NFASC: variants seen among roughly 807,000 people sequenced by gnomAD.
The protein encoded by NFASC is neurofascin homolog.
A neutral mutation model predicts 147.5 loss-of-function variants in NFASC; 43 were observed. The observed-to-expected ratio is 0.29, with a 90% CI of 0.23 to 0.38. The LOEUF (loss-of-function observed/expected upper bound fraction) is 0.38. NFASC is among the 10% of genes least tolerant of loss of function. The pLI is 1.00. For missense variants in NFASC, 1,320 were observed against 1,689.0 expected (o/e 0.78, Z 3.83); for synonymous variants, 622 against 665.5 (o/e 0.93, Z 1.01).
In NFASC at chr1:205,012,750, T is replaced by C. The variant is rs776101430; in HGVS notation, c.3422-47T>C. 15 of 1,373,530 alleles carry C rather than the reference T, an allele frequency of 1.1e-5. No individual in the cohort carries two copies. The African/African-American group carries it at 1.3e-4, about 12-fold the overall frequency. The allele number at this position is 1,373,530 out of a possible 1,614,324, so 85.1% of individuals were successfully genotyped here. A position where few individuals can be genotyped will look rare whatever the true frequency, so the allele number is the denominator to read the frequency against. ...AGTGGAGCCCTAGAGAGCAGGGGCA[T>C]GTACTTAATCGTCGTGTCTGTGTCT... On this transcript the variant is annotated intron_variant, in intron 28 of 29. Coordinates refer to ENST00000339876, the MANE Select transcript of NFASC (RefSeq NM_001005388.3).
At chr1:204,938,195 A>G (rs146451005) in intron 2 of NFASC, among the ~76,000 whole-genome samples, 16 of 152,292 alleles carry the variant, frequency 1.1e-4, no homozygotes, top group African/African-American at 3.4e-4. Flanking sequence ...CGGGCCCCCA[A>G]TGTGGGGAAA....
intron 27 of NFASC, chr1:205,008,402 GC>G (rs1290334931): frequency 6.5e-6 from 1 of 152,784 alleles, no homozygotes; most frequent in African/African-American, 2.4e-5. Flanking sequence ...GGTTCTTGGG[GC>G]TCCTGCTGTT....
At chr1:204,870,831 G>A in intron 1 of NFASC, 2 of 1,181,164 alleles carry the variant, frequency 1.7e-6, no homozygotes, top group Non-Finnish European at 1.1e-6. Context: ...CGATGGGGGT[G>A]ACAAGGAGCA....
chr1:204,909,915 T>C (rs2086940741), intron 1 of NFASC, among the ~76,000 whole-genome samples: 1 of 152,124 alleles, frequency 6.6e-6, no homozygotes, highest in African/African-American at 2.4e-5. Flanking sequence ...TTTTGGGTTT[T>C]TTTTTTAATT....
intron 1 of NFASC, among the ~76,000 whole-genome samples, chr1:204,906,877 G>C (rs182274615): frequency 4.7e-4 from 71 of 152,194 alleles, no homozygotes; most frequent in Middle Eastern, 6.8e-3. Flanking sequence ...TAGAGACGGG[G>C]TTTCACCATG....
intron 1 of NFASC, among the ~76,000 whole-genome samples, chr1:204,887,586 CTTTTTTTT>C (rs200468415): frequency 4.7e-5 from 2 of 42,336 alleles, no homozygotes; most frequent in Non-Finnish European, 9.5e-5. Flanking sequence ...GCCTGATTGG[CTTTTTTTT>C]TTTTTTTTTT....
At chr1:205,012,027 C>A (rs955537665) in intron 28 of NFASC, among the ~76,000 whole-genome samples, 2 of 152,250 alleles carry the variant, frequency 1.3e-5, no homozygotes, top group African/African-American at 2.4e-5. Flanking sequence ...TGCAGTGAGC[C>A]AAGATAGCAC....
At chr1:204,846,817 A>G (rs1045155435) in intron 1 of NFASC, among the ~76,000 whole-genome samples, 10 of 151,862 alleles carry the variant, frequency 6.6e-5, no homozygotes, top group Admixed American at 5.2e-4. Context: ...CTTGTTCATT[A>G]TTTGTTTTGT....
chr1:204,995,043 C>T (rs1373372207), intron 24 of NFASC, among the ~76,000 whole-genome samples: 1 of 152,108 alleles, frequency 6.6e-6, no homozygotes, highest in Non-Finnish European at 1.5e-5. Flanking sequence ...TTGCTTGAGC[C>T]TGGGAGGTCG....
intron 1 of NFASC, among the ~76,000 whole-genome samples, chr1:204,876,904 G>A (rs190643572): frequency 7.7e-4 from 115 of 148,976 alleles, no homozygotes; most frequent in Middle Eastern, 3.5e-3. Context: ...TTGTAGGCTC[G>A]GAAGCATAGC....
At chr1:204,984,487 T>C (rs552404045) in intron 21 of NFASC, among the ~76,000 whole-genome samples, 1 of 150,636 alleles carries the variant, frequency 6.6e-6, no homozygotes, top group East Asian at 2.0e-4. Context: ...TGGGTTTGGG[T>C]TGGTGTTGCA....
chr1:204,940,746 A>T (rs756838257), intron 2 of NFASC, among the ~76,000 whole-genome samples: 7 of 152,178 alleles, frequency 4.6e-5, no homozygotes, highest in Non-Finnish European at 1.0e-4. Context: ...TGTTTTCAGG[A>T]TTCATCCATG....
intron 1 of NFASC, among the ~76,000 whole-genome samples, chr1:204,919,116 C>T (rs2089932893): frequency 1.3e-5 from 2 of 152,024 alleles, no homozygotes; most frequent in South Asian, 4.1e-4. Context: ...CCTCTGCCTC[C>T]CCAATTCAAG....
At chr1:204,908,106 C>T (rs2086403406) in intron 1 of NFASC, among the ~76,000 whole-genome samples, 1 of 152,228 alleles carries the variant, frequency 6.6e-6, no homozygotes, top group Middle Eastern at 3.4e-3. Context: ...TTCAGCCTCC[C>T]AAGCAGCTGA....
intron 2 of NFASC, among the ~76,000 whole-genome samples, chr1:204,926,943 CG>C (rs1181964527): frequency 1.3e-5 from 2 of 151,882 alleles, no homozygotes; most frequent in Non-Finnish European, 2.9e-5. Context: ...TGCACGGCAG[CG>C]GGTGCCTGTA....
chr1:204,956,789 A>T (rs2094452700), intron 7 of NFASC, among the ~76,000 whole-genome samples: 1 of 152,202 alleles, frequency 6.6e-6, no homozygotes, highest in South Asian at 2.1e-4. Flanking sequence ...ATGGTGACTT[A>T]AAAAACAATT....
At chr1:204,864,596 ATTG>A (rs959757464) in intron 1 of NFASC, among the ~76,000 whole-genome samples, 1 of 152,112 alleles carries the variant, frequency 6.6e-6, no homozygotes, top group Admixed American at 6.5e-5. Context: ...GTGGTATCTC[ATTG>A]TTTTGATTTG....
At chr1:204,868,642 G>A (rs1277029119) in intron 1 of NFASC, among the ~76,000 whole-genome samples, 1 of 152,200 alleles carries the variant, frequency 6.6e-6, no homozygotes, top group Non-Finnish European at 1.5e-5. Context: ...GATGGGCTGG[G>A]CAGGTGTGGC....
intron 1 of NFASC, among the ~76,000 whole-genome samples, chr1:204,840,315 C>G (rs1282103081): frequency 6.6e-6 from 1 of 152,170 alleles, no homozygotes; most frequent in Non-Finnish European, 1.5e-5. Context: ...CAACCTGTAC[C>G]AAATAAATTG....
Sources: gnomAD v4.1 joint callset for allele counts (sites outside exome capture counted in the v4.1 genomes callset) on GRCh38, gnomAD v4.1.1 for gene constraint, MANE v1.5 for transcripts, NCBI Gene and HGNC (gene_info 2026-07-23, HGNC 2026-07-21) for gene names.